STK32B: variants seen among roughly 807,000 people sequenced by gnomAD.
STK32B encodes the protein serine/threonine-protein kinase 32B.
A neutral mutation model predicts 52.6 loss-of-function variants in STK32B; 43 were observed. That is an observed-to-expected ratio of 0.82 (90% CI 0.64 to 1.05). The LOEUF (loss-of-function observed/expected upper bound fraction) is 1.05. STK32B is among the 50% of genes least tolerant of loss of function. The probability of loss-of-function intolerance (pLI) is 0.00; values close to 1 mark genes in which losing one functional copy is unlikely to be tolerated. For missense variants in STK32B, 621 were observed against 534.6 expected (o/e 1.16, Z -1.59); for synonymous variants, 238 against 204.3 (o/e 1.17, Z -1.41).
At chr4:5,439,187 C>T (rs1247005789) in intron 6 of STK32B, among the ~76,000 whole-genome samples, 2 of 149,236 alleles carry the variant, frequency 1.3e-5, no homozygotes, top group African/African-American at 2.5e-5. Flanking sequence ...CACTGACTTC[C>T]ACAATGGTTG....
At chr4:5,192,542 A>G (rs1230611067) in intron 3 of STK32B, among the ~76,000 whole-genome samples, 2 of 152,226 alleles carry the variant, frequency 1.3e-5, no homozygotes, top group Non-Finnish European at 2.9e-5. Flanking sequence ...TGTGATCACA[A>G]TAGGATATTA....
the STK32B span, among the ~76,000 whole-genome samples, chr4:5,025,028 C>T: frequency 6.6e-6 from 1 of 152,194 alleles, no homozygotes; most frequent in South Asian, 2.1e-4. Flanking sequence ...ATTTGCCTGG[C>T]ACCTTCATTC....
At chr4:5,176,905 G>A (rs549043927) in intron 3 of STK32B, among the ~76,000 whole-genome samples, 14 of 152,256 alleles carry the variant, frequency 9.2e-5, no homozygotes, top group African/African-American at 3.4e-4. Flanking sequence ...AGCAAGAAAG[G>A]GGTGAGCCTA....
At chr4:5,243,665 A>G (rs543271948) in intron 3 of STK32B, among the ~76,000 whole-genome samples, 119 of 152,278 alleles carry the variant, frequency 7.8e-4, no homozygotes, top group African/African-American at 2.5e-3. Context: ...CCAGTTTTCA[A>G]AGGGAATGCT....
At chr4:5,218,418 G>A (rs1017710361) in intron 3 of STK32B, among the ~76,000 whole-genome samples, 2 of 152,198 alleles carry the variant, frequency 1.3e-5, no homozygotes, top group African/African-American at 4.8e-5. Flanking sequence ...ATGGAAAGTA[G>A]ATACATTGCA....
At chr4:5,334,845 T>A (rs556140661) in intron 4 of STK32B, among the ~76,000 whole-genome samples, 1 of 152,206 alleles carries the variant, frequency 6.6e-6, no homozygotes, top group Non-Finnish European at 1.5e-5. Flanking sequence ...TCATGGTGGA[T>A]AAGCTTTTTG....
At chr4:5,205,380 T>G (rs1722485342) in intron 3 of STK32B, among the ~76,000 whole-genome samples, 1 of 152,208 alleles carries the variant, frequency 6.6e-6, no homozygotes, top group Non-Finnish European at 1.5e-5. Flanking sequence ...TATGTATCTC[T>G]TACTGTTTCT....
chr4:5,415,792 T>A (rs1002705679), intron 5 of STK32B, among the ~76,000 whole-genome samples: 1 of 152,182 alleles, frequency 6.6e-6, no homozygotes, highest in Non-Finnish European at 1.5e-5. Context: ...GTGCTTTTTT[T>A]GTCCACTGTA....
chr4:5,023,385 C>T, the STK32B span, among the ~76,000 whole-genome samples: 8 of 152,306 alleles, frequency 5.3e-5, no homozygotes, highest in Admixed American at 3.3e-4. Flanking sequence ...CCTTCCTTTA[C>T]AGTCTCCCTG....
chr4:5,063,740 G>A (rs748678352), intron 1 of STK32B, among the ~76,000 whole-genome samples: 17 of 152,088 alleles, frequency 1.1e-4, no homozygotes, highest in Non-Finnish European at 2.1e-4. Context: ...GTCTTAATCT[G>A]GGTTAGCTAC....
the STK32B span, chr4:5,019,443 C>T: frequency 6.8e-7 from 1 of 1,467,180 alleles, no homozygotes; most frequent in Non-Finnish European, 8.9e-7. Flanking sequence ...CAGGCGTCCT[C>T]ATGGTGCCAG....
intron 11 of STK32B, among the ~76,000 whole-genome samples, chr4:5,493,136 A>T (rs1394842092): frequency 2.6e-5 from 4 of 151,788 alleles, no homozygotes; most frequent in Non-Finnish European, 4.4e-5. Context: ...ATTGATTGGA[A>T]TAGTTTCAGA....
At chr4:5,328,522 G>C (rs939192480) in intron 3 of STK32B, among the ~76,000 whole-genome samples, 1 of 152,184 alleles carries the variant, frequency 6.6e-6, no homozygotes, top group African/African-American at 2.4e-5. Flanking sequence ...GAAACTACTG[G>C]TCAGTGGAGC....
At chr4:5,035,746 A>G in the STK32B span, among the ~76,000 whole-genome samples, 1 of 151,520 alleles carries the variant, frequency 6.6e-6, no homozygotes, top group African/African-American at 2.4e-5. Context: ...ATTAGAATGT[A>G]TTTTCATCAG....
intron 3 of STK32B, among the ~76,000 whole-genome samples, chr4:5,200,056 A>C (rs1722008346): frequency 6.6e-6 from 1 of 152,042 alleles, no homozygotes. Flanking sequence ...CCTGAATGTG[A>C]CTCTGGGGTC....
intron 6 of STK32B, among the ~76,000 whole-genome samples, chr4:5,417,857 C>T (rs558652330): frequency 9.8e-5 from 15 of 152,290 alleles, no homozygotes; most frequent in African/African-American, 1.2e-4. Flanking sequence ...CTCATGAAGA[C>T]GCATTCAACT....
chr4:5,023,231 G>A, the STK32B span, among the ~76,000 whole-genome samples: 1 of 152,130 alleles, frequency 6.6e-6, no homozygotes, highest in Admixed American at 6.5e-5. Flanking sequence ...TCATAAATTC[G>A]TGATGCTTGG....
rs1737254674 is a variant in STK32B, at chr4:5,400,985, C to A, written c.472+2741C>A. Among the ~76,000 whole-genome samples, 2 of 152,102 alleles carry A rather than the reference C, an allele frequency of 1.3e-5. No individual in the cohort carries two copies. The highest frequency in any genetic ancestry group is 2.4e-5 in the African/African-American group (1 of 41,404). On this transcript the variant is annotated intron_variant, in intron 5 of 11. Coordinates refer to ENST00000282908, the MANE Select transcript of STK32B (RefSeq NM_018401.3). The surrounding 1 kb of genome is among the most constrained non-coding windows in gnomAD (Gnocchi z 6.1). ...GGTGTGTGCGGGGTTGTCTTAGAGG[C>A]AGCCGCATGACAGTGGGATCCTGAA... is the stretch of plus-strand genomic sequence containing the variant.
chr4:5,218,020 T>G (rs979373342), intron 3 of STK32B, among the ~76,000 whole-genome samples: 5 of 127,518 alleles, frequency 3.9e-5, no homozygotes, highest in Non-Finnish European at 6.6e-5. Flanking sequence ...ACTCTTGGTA[T>G]TTTTTTCCTG....
Sources: allele counts gnomAD v4.1 joint callset (sites outside exome capture counted in the v4.1 genomes callset), GRCh38; gene constraint gnomAD v4.1.1; non-coding constraint Gnocchi (gnomAD v3.1); transcripts MANE v1.5; gene names NCBI Gene and HGNC (gene_info 2026-07-23, HGNC 2026-07-21).